Variants in CCDC15 observed in about 807,000 individuals in gnomAD.
CCDC15 encodes the protein coiled-coil domain containing 15.
In CCDC15, 105 loss-of-function variants were observed where a neutral mutation model predicts 114.5. That is an observed-to-expected ratio of 0.92 (90% CI 0.78 to 1.08). The LOEUF (loss-of-function observed/expected upper bound fraction) is 1.08, where lower values mean the gene tolerates loss of function less well. Ranked by LOEUF, CCDC15 falls within the 50% of genes least tolerant of loss-of-function variation. The pLI is 0.00. For missense variants in CCDC15, 1,105 were observed against 1,093.6 expected, an observed-to-expected ratio of 1.01 and a Z score of -0.15; for synonymous variants, 334 against 377.8, an observed-to-expected ratio of 0.88 and a Z score of 1.34.
intron 6 of CCDC15, 42 bp from the exon 7 acceptor site, chr11:124,986,700 T>TGCGCGCGCGC (rs1555068495): frequency 9.6e-6 from 13 of 1,352,952 alleles, no homozygotes; most frequent in Admixed American, 7.2e-5. Flanking sequence ...TTTGTGTGTG[T>TGCGCGCGCGC]GCGCGCGCGC....
intron 11 of CCDC15, among the ~76,000 whole-genome samples, chr11:125,002,231 A>G (rs948859542): frequency 1.3e-5 from 2 of 152,096 alleles, no homozygotes; most frequent in Non-Finnish European, 2.9e-5. Context: ...TGCTTTGCCC[A>G]TTTTGTAATT....
chr11:125,029,693 C>A (rs189313607), intron 13 of CCDC15, among the ~76,000 whole-genome samples: 2 of 152,180 alleles, frequency 1.3e-5, no homozygotes, highest in South Asian at 4.1e-4. Context: ...ATTCTCTTTG[C>A]CTTCAGCAAG....
intron 8 of CCDC15, among the ~76,000 whole-genome samples, chr11:124,989,583 A>C (rs972846057): frequency 6.6e-6 from 1 of 152,186 alleles, no homozygotes; most frequent in Non-Finnish European, 1.5e-5. Context: ...CTTCCAATAT[A>C]AGGCTGTTTT....
intron 11 of CCDC15, among the ~76,000 whole-genome samples, chr11:124,996,167 T>A (rs1252275067): frequency 6.6e-6 from 1 of 152,096 alleles, no homozygotes; most frequent in African/African-American, 2.4e-5. Context: ...TAATCCAGCC[T>A]TTTTGAACAA....
intron 4 of CCDC15, among the ~76,000 whole-genome samples, chr11:124,963,860 T>C (rs747937609): frequency 2.0e-5 from 3 of 152,234 alleles, no homozygotes; most frequent in Non-Finnish European, 2.9e-5. Flanking sequence ...TTTCTACATA[T>C]GGCTAGCCAG....
intron 4 of CCDC15, among the ~76,000 whole-genome samples, chr11:124,973,603 A>G (rs1947922335): frequency 6.6e-6 from 1 of 152,004 alleles, no homozygotes; most frequent in Non-Finnish European, 1.5e-5. Context: ...TCCTTAGGTA[A>G]TTATTAATAA....
intron 6 of CCDC15, 59 bp from the exon 7 acceptor site, chr11:124,986,683 G>GTA: frequency 7.2e-7 from 1 of 1,395,616 alleles, no homozygotes; most frequent in Non-Finnish European, 9.6e-7. Flanking sequence ...GTGTGTGTGT[G>GTA]TGTGTGTTTG....
intron 13 of CCDC15, among the ~76,000 whole-genome samples, chr11:125,009,227 CAAAA>C (rs5795440): frequency 7.2e-6 from 1 of 138,846 alleles, no homozygotes; most frequent in Non-Finnish European, 1.6e-5. Context: ...AACTCCGTCT[CAAAA>C]AAAAAAAAAA....
intron 4 of CCDC15, among the ~76,000 whole-genome samples, chr11:124,971,153 T>C (rs966196800): frequency 6.6e-6 from 1 of 152,106 alleles, no homozygotes; most frequent in African/African-American, 2.4e-5. Context: ...TGGGATATAG[T>C]CTCTAGGGGT....
Position 125,041,044 on chromosome 11 carries a change from T to C in CCDC15, c.*333T>C, listed in dbSNP as rs555895696. ...CTCTTATTTATCATCTTTCTAAAAC[T>C]GTGTTTTTGAGCTTGACAGTACTGA... On this transcript the variant is annotated 3_prime_UTR_variant, in exon 16 of 16. Coordinates refer to ENST00000344762, the MANE Select transcript of CCDC15 (RefSeq NM_025004.3). 2.2e-5 allele frequency: 4 copies of C among 180,326 alleles called. No individual in the cohort carries two copies. The highest frequency in any genetic ancestry group is 3.4e-4 in the South Asian group (2 of 5,868). The allele number at this position is 180,326 out of a possible 1,614,324, so 11.2% of individuals were successfully genotyped here.
intron 7 of CCDC15, 56 bp downstream of exon 7, chr11:124,986,944 A>G: frequency 1.4e-6 from 2 of 1,465,544 alleles, no homozygotes; most frequent in Non-Finnish European, 1.8e-6. Context: ...ATTGCCAGTA[A>G]TGTTGTACTG....
intron 5 of CCDC15, among the ~76,000 whole-genome samples, chr11:124,976,812 G>T (rs1947981954): frequency 6.6e-6 from 1 of 152,016 alleles, no homozygotes; most frequent in Non-Finnish European, 1.5e-5. Context: ...TTACGTCAGA[G>T]GTGCCATTTA....
At chr11:124,960,066 A>G in intron 4 of CCDC15, 63 bp downstream of exon 4, 1 of 1,297,318 alleles carries the variant, frequency 7.7e-7, no homozygotes, top group South Asian at 1.6e-5. Context: ...AACTATAAAT[A>G]TGACATCTAG....
At position 124,977,589 on chromosome 11, in the gene CCDC15, A is replaced by G. The variant is rs758389024; in HGVS notation, c.742A>G (p.Met248Val). Residue 248 changes from methionine (M) to valine (V), a missense_variant, in exon 6 of 16, where the codon ATG (methionine) becomes GTG (valine). Transcript: ENST00000344762. ...AGCTGCTGTACCTTACCAGAATTAT[A>G]TGGAAAATCAGGTAGGGAAATATAA... ...LLAAVPYQNYMENQELDYEEP... is the reference protein window; with the variant it reads ...LLAAVPYQNYVENQELDYEEP... 10 of 1,602,658 alleles carry G rather than the reference A, an allele frequency of 6.2e-6. No individual in the cohort carries two copies. Among genetic ancestry groups the G allele is most frequent in the Admixed American group, 5.2e-5 (3 of 58,120 alleles).
chr11:124,956,793 A>G lies in CCDC15; in HGVS notation c.177+1884A>G, dbSNP rs143141862. 3.4e-3 allele frequency among the ~76,000 whole-genome samples: 518 copies of G among 152,340 alleles called. 2 individuals carry two copies. Among genetic ancestry groups the G allele is most frequent in the African/African-American group, 0.012 (487 of 41,568 alleles). On this transcript the variant is annotated intron_variant, in intron 2 of 15. Coordinates refer to ENST00000344762, the MANE Select transcript of CCDC15 (RefSeq NM_025004.3). ...TAATAGAACTCCTTATAGCTTTAGC[A>G]TATCTAGTCTGGGTATCCACCCTTA...
chr11:125,039,942 G>A (rs1948804270), intron 15 of CCDC15, among the ~76,000 whole-genome samples: 1 of 152,046 alleles, frequency 6.6e-6, no homozygotes, highest in Non-Finnish European at 1.5e-5. Context: ...CTCGTCTTAA[G>A]TGTTAACCAC....
intron 4 of CCDC15, among the ~76,000 whole-genome samples, chr11:124,971,025 A>G (rs1221291654): frequency 6.6e-6 from 1 of 152,090 alleles, no homozygotes; most frequent in African/African-American, 2.4e-5. Flanking sequence ...TTACTACACA[A>G]CCCTTGCTCC....
Position 125,040,831 on chromosome 11 carries a change from T to A in CCDC15, c.*120T>A. 7 of 832,818 alleles carry A rather than the reference T, an allele frequency of 8.4e-6. No homozygotes were observed. Among genetic ancestry groups the A allele is most frequent in the Non-Finnish European group, 1.3e-5 (7 of 548,134 alleles). 51.6% of individuals were successfully genotyped at this position (832,818 alleles called of 1,614,324 possible). On this transcript the variant is annotated 3_prime_UTR_variant, in exon 16 of 16. Transcript: ENST00000344762. ...TAATCTGGGAAGAAATACTGTCTCA[T>A]ATAATAATTAGATTGTAATCATTGT... is the stretch of plus-strand genomic sequence containing the variant.
intron 8 of CCDC15, among the ~76,000 whole-genome samples, chr11:124,989,649 A>G (rs1393189014): frequency 6.6e-6 from 1 of 152,238 alleles, no homozygotes; most frequent in African/African-American, 2.4e-5. Flanking sequence ...GATCTTAGCT[A>G]GATCTTCTAG....
Sources: gnomAD v4.1 joint callset for allele counts (sites outside exome capture counted in the v4.1 genomes callset) on GRCh38, gnomAD v4.1.1 for gene constraint, MANE v1.5 for transcripts, NCBI Gene and HGNC (gene_info 2026-07-23, HGNC 2026-07-21) for gene names.